ZFYVE28: variants seen among roughly 807,000 people sequenced by gnomAD.
ZFYVE28 encodes lateral signaling target protein 2 homolog.
A neutral mutation model predicts 82.1 loss-of-function variants in ZFYVE28; 40 were observed. That is an observed-to-expected ratio of 0.49 (90% CI 0.38 to 0.63). ZFYVE28 has a LOEUF of 0.63. Among genes scored for constraint, ZFYVE28 ranks in the 30% least tolerant of loss-of-function variants. The probability of loss-of-function intolerance (pLI) is 0.00; values close to 1 mark genes in which losing one functional copy is unlikely to be tolerated. For missense variants in ZFYVE28, 1,321 were observed against 1,242.1 expected (o/e 1.06, Z -0.96); for synonymous variants, 612 against 546.1 (o/e 1.12, Z -1.68).
intron 1 of ZFYVE28, among the ~76,000 whole-genome samples, chr4:2,391,573 A>G (rs959652429): frequency 4.7e-5 from 7 of 147,818 alleles, no homozygotes; most frequent in African/African-American, 1.5e-4. Flanking sequence ...TTGTACCACC[A>G]TCCCCACCAT....
intron 8 of ZFYVE28, among the ~76,000 whole-genome samples, chr4:2,303,921 C>T (rs1716041167): frequency 6.6e-6 from 1 of 152,252 alleles, no homozygotes; most frequent in Non-Finnish European, 1.5e-5. Context: ...GCACAGCCCG[C>T]TCCCACTGCC....
At chr4:2,274,243 GT>G in intron 8 of ZFYVE28, 27 bp from the exon 9 acceptor site, 1 of 1,603,970 alleles carries the variant, frequency 6.2e-7, no homozygotes, top group Non-Finnish European at 8.5e-7. Flanking sequence ...ATACCGGTGT[GT>G]GGGGTGGGGC....
Position 2,335,808 on chromosome 4 carries a change from C to T in ZFYVE28, c.612-14G>A, listed in dbSNP as rs758725775. On this transcript the variant is annotated splice_polypyrimidine_tract_variant and intron_variant, in intron 5 of 12. Coordinates refer to ENST00000290974, the MANE Select transcript of ZFYVE28 (RefSeq NM_020972.3). The surrounding 1 kb of genome is among the most constrained non-coding windows in gnomAD (Gnocchi z 5.8). ...AAGTCCAGGGCCCTGTCCGGGGAGA[C>T]GGACAGTGAGCAGCATGAGGGCTGG... 2.4e-5 allele frequency: 38 copies of T among 1,553,050 alleles called. No individual in the cohort carries two copies. Among genetic ancestry groups the T allele is most frequent in the African/African-American group, 4.1e-5 (3 of 73,492 alleles).
intron 2 of ZFYVE28, among the ~76,000 whole-genome samples, chr4:2,346,123 T>A (rs1455883411): frequency 6.9e-6 from 1 of 145,024 alleles, no homozygotes; most frequent in Non-Finnish European, 1.5e-5. Flanking sequence ...GGTCAGGAGA[T>A]CGAGACCATC....
intron 7 of ZFYVE28, among the ~76,000 whole-genome samples, chr4:2,318,779 C>T (rs566351275): frequency 6.6e-6 from 1 of 152,330 alleles, no homozygotes; most frequent in South Asian, 2.1e-4. Flanking sequence ...GTGACTCATA[C>T]CTGTAATCCC....
chr4:2,338,837 T>C (rs888742941), intron 4 of ZFYVE28, among the ~76,000 whole-genome samples: 8 of 152,092 alleles, frequency 5.3e-5, no homozygotes, highest in African/African-American at 1.9e-4. Flanking sequence ...TGGTTGTTGT[T>C]GTTTTGAGAT....
intron 1 of ZFYVE28, among the ~76,000 whole-genome samples, chr4:2,393,546 A>C (rs1184402663): frequency 6.6e-6 from 1 of 152,190 alleles, no homozygotes; most frequent in Admixed American, 6.5e-5. Context: ...ACAGTCCCTG[A>C]GCCTGGCTCT....
intron 2 of ZFYVE28, among the ~76,000 whole-genome samples, chr4:2,344,390 G>A (rs1376022593): frequency 1.3e-5 from 2 of 152,144 alleles, no homozygotes; most frequent in Non-Finnish European, 2.9e-5. Context: ...ATTGAGTAGA[G>A]TACCCAAAAG....
intron 1 of ZFYVE28, among the ~76,000 whole-genome samples, chr4:2,410,506 A>AT (rs1020011023): frequency 3.4e-5 from 1 of 29,550 alleles, no homozygotes; most frequent in Admixed American, 3.6e-4. Context: ...ATTTATTTTT[A>AT]TTTTTTTGAG....
At chr4:2,358,512 C>T (rs1025707954) in intron 1 of ZFYVE28, among the ~76,000 whole-genome samples, 7 of 152,170 alleles carry the variant, frequency 4.6e-5, no homozygotes, top group Non-Finnish European at 8.8e-5. Flanking sequence ...GCAGGGAAGC[C>T]GACTCCCACC....
intron 1 of ZFYVE28, among the ~76,000 whole-genome samples, chr4:2,368,576 TAG>T (rs1727169769): frequency 6.6e-6 from 1 of 152,204 alleles, no homozygotes; most frequent in Non-Finnish European, 1.5e-5. Context: ...TTCCTGTGCA[TAG>T]AATCATACGA....
chr4:2,399,719 C>G (rs1010568557), intron 1 of ZFYVE28, among the ~76,000 whole-genome samples: 3 of 151,992 alleles, frequency 2.0e-5, no homozygotes, highest in Non-Finnish European at 4.4e-5. Flanking sequence ...TGGCGATACT[C>G]GGATCCCAAG....
intron 1 of ZFYVE28, among the ~76,000 whole-genome samples, chr4:2,360,081 T>C (rs950901446): frequency 1.3e-5 from 2 of 152,002 alleles, no homozygotes; most frequent in Non-Finnish European, 2.9e-5. Flanking sequence ...GAGGCCTCCA[T>C]GATGTCTAGG....
chr4:2,391,730 T>G (rs1729851173), intron 1 of ZFYVE28, among the ~76,000 whole-genome samples: 2 of 121,832 alleles, frequency 1.6e-5, no homozygotes, highest in Non-Finnish European at 1.8e-5. Context: ...TGTAAGTCAA[T>G]TCTCTCTCTC....
At chr4:2,334,004 G>T (rs1721152498) in intron 6 of ZFYVE28, among the ~76,000 whole-genome samples, 1 of 152,176 alleles carries the variant, frequency 6.6e-6, no homozygotes, top group Admixed American at 6.5e-5. Context: ...AAGCCACCTT[G>T]TCGCTGGCCA....
chr4:2,304,596 G>T lies in ZFYVE28; in HGVS notation c.1744C>A (p.Arg582=). The T allele has an allele frequency of 6.2e-7, 1 of 1,612,212 alleles. No homozygotes were observed. The highest frequency in any genetic ancestry group is 8.5e-7 in the Non-Finnish European group (1 of 1,179,710). ...ACGCCTCCCGGGCTGCACTTCTCCCGCAGACGCTCCACCACGTCCTCCCTG... is the reference window on the plus strand; with the variant it reads ...ACGCCTCCCGGGCTGCACTTCTCCCTCAGACGCTCCACCACGTCCTCCCTG... The part of the protein sequence containing the change: ...DSREDVVERL[R]EKCSPGGVIG... Residue 582 remains arginine, a synonymous_variant, in exon 8 of 13, where the codon CGG becomes AGG. Transcript: ENST00000290974.
Position 2,372,269 on chromosome 4 carries a change from A to T in ZFYVE28, c.40-18196T>A, listed in dbSNP as rs989194530. Among the ~76,000 whole-genome samples, 1 of 152,030 alleles carries T rather than the reference A, an allele frequency of 6.6e-6. No individual in the cohort carries two copies. Among genetic ancestry groups the T allele is most frequent in the African/African-American group, 2.4e-5 (1 of 41,392 alleles). On this transcript the variant is annotated intron_variant, in intron 1 of 12. Transcript: ENST00000290974. This position sits in a 1 kb window ranked among gnomAD's most constrained non-coding sequence, Gnocchi z 5.2. ...GGGGCTGAGTCTGGTTCCGAGAAGG[A>T]CTCGTGAGGGGGTAGGAATGGTCCC...
At chr4:2,312,056 G>A (rs1356694034) in intron 7 of ZFYVE28, among the ~76,000 whole-genome samples, 2 of 152,206 alleles carry the variant, frequency 1.3e-5, no homozygotes, top group African/African-American at 2.4e-5. Flanking sequence ...ACAGCCAAGT[G>A]TGGTGGCTCA....
intron 1 of ZFYVE28, among the ~76,000 whole-genome samples, chr4:2,369,839 T>TTTAATTTTATTTTATTTA (rs1553857150): frequency 3.6e-5 from 5 of 139,606 alleles, no homozygotes; most frequent in East Asian, 2.1e-4. Context: ...AGGGATTTTT[T>TTTAATTTTATTTTATTTA]TTTTTCTTTT....
Sources: gnomAD v4.1 joint callset for allele counts (sites outside exome capture counted in the v4.1 genomes callset) on GRCh38, gnomAD v4.1.1 for gene constraint, Gnocchi (gnomAD v3.1) non-coding constraint, MANE v1.5 for transcripts, NCBI Gene and HGNC (gene_info 2026-07-23, HGNC 2026-07-21) for gene names.